Variants in ANAPC10 observed in about 807,000 individuals in gnomAD.
ANAPC10 encodes anaphase-promoting complex subunit 10.
ANAPC10 carries 12 observed loss-of-function variants against 22.0 expected under a neutral mutation model. The ratio of observed to expected loss-of-function variants is 0.55; its 90% CI spans 0.35 to 0.88. The LOEUF (loss-of-function observed/expected upper bound fraction) is 0.88, where lower values mean the gene tolerates loss of function less well. Ranked by LOEUF, ANAPC10 falls within the 40% of genes least tolerant of loss-of-function variation. The probability of loss-of-function intolerance (pLI) is 0.01; values close to 1 mark genes in which losing one functional copy is unlikely to be tolerated. For synonymous variants in ANAPC10, 65 were observed against 69.5 expected, an observed-to-expected ratio of 0.94 and a Z score of 0.32; for missense variants, 188 against 220.9, an observed-to-expected ratio of 0.85 and a Z score of 0.94.
chr4:145,047,363 G>A (rs914145789), intron 4 of ANAPC10, among the ~76,000 whole-genome samples: 7 of 152,124 alleles, frequency 4.6e-5, no homozygotes, highest in Non-Finnish European at 2.9e-5. Flanking sequence ...GTAAGCCAAG[G>A]TTAGAGAACT....
chr4:145,065,383 T>C (rs983189823), intron 3 of ANAPC10, among the ~76,000 whole-genome samples: 17 of 152,094 alleles, frequency 1.1e-4, no homozygotes, highest in African/African-American at 4.1e-4. Flanking sequence ...GAGATATTAG[T>C]TTTATCATCA....
rs1731441693 is a variant in ANAPC10, at chr4:144,995,237, A to G, written c.*136T>C. 3 of 501,106 alleles carry G rather than the reference A, an allele frequency of 6.0e-6. No homozygotes were observed. Among genetic ancestry groups the G allele is most frequent in the Admixed American group, 3.8e-5 (1 of 26,086 alleles). 31.0% of individuals were successfully genotyped at this position (501,106 alleles called of 1,614,324 possible). On this transcript the variant is annotated 3_prime_UTR_variant, in exon 5 of 5. Coordinates refer to ENST00000507656, the MANE Select transcript of ANAPC10 (RefSeq NM_001256706.2). Reference sequence around the variant, plus strand: ...AATATGACCCCAAATTTATTTGTCAAAGTTACAATAAAATATTTTTAAACA... The same window carrying G: ...AATATGACCCCAAATTTATTTGTCAGAGTTACAATAAAATATTTTTAAACA...
At chr4:145,000,075 T>C (rs1014800092) in intron 4 of ANAPC10, among the ~76,000 whole-genome samples, 1 of 152,170 alleles carries the variant, frequency 6.6e-6, no homozygotes, top group Non-Finnish European at 1.5e-5. Flanking sequence ...AAGACTTAAA[T>C]GTTAGACCTA....
chr4:145,014,395 G>A (rs1339510721), intron 4 of ANAPC10, among the ~76,000 whole-genome samples: 1 of 151,864 alleles, frequency 6.6e-6, no homozygotes, highest in Admixed American at 6.6e-5. Context: ...CCATTGACCT[G>A]GGAACCTCAC....
intron 4 of ANAPC10, among the ~76,000 whole-genome samples, chr4:145,022,763 T>C (rs1388554976): frequency 2.1e-5 from 3 of 141,284 alleles, no homozygotes; most frequent in East Asian, 2.1e-4. Flanking sequence ...TGTTGGGTCA[T>C]AGGCAAGTTT....
intron 3 of ANAPC10, among the ~76,000 whole-genome samples, chr4:145,065,737 T>C (rs910114549): frequency 6.6e-6 from 1 of 151,908 alleles, no homozygotes; most frequent in African/African-American, 2.4e-5. Flanking sequence ...ATAGTTACAG[T>C]AGAAAAAAGA....
intron 4 of ANAPC10, among the ~76,000 whole-genome samples, chr4:145,034,116 G>GTACC (rs374803156): frequency 1.2e-4 from 19 of 152,076 alleles, no homozygotes; most frequent in African/African-American, 4.6e-4. Flanking sequence ...ATACATATAG[G>GTACC]TTCAAGTTGA....
At chr4:145,011,609 C>T (rs1157510844) in intron 4 of ANAPC10, among the ~76,000 whole-genome samples, 3 of 151,968 alleles carry the variant, frequency 2.0e-5, no homozygotes, top group Non-Finnish European at 4.4e-5. Flanking sequence ...TGGTAAAGGG[C>T]GAGAGGCTAA....
chr4:145,035,165 A>T (rs958794507), intron 4 of ANAPC10: 1 of 152,204 alleles, frequency 6.6e-6, no homozygotes, highest in Non-Finnish European at 1.5e-5. Flanking sequence ...GACATCTGTC[A>T]CCCCACTAAT....
chr4:145,079,638 C>G (rs1334796349), intron 3 of ANAPC10, among the ~76,000 whole-genome samples: 1 of 152,154 alleles, frequency 6.6e-6, no homozygotes, highest in Non-Finnish European at 1.5e-5. Context: ...AGATGCCCAT[C>G]AACAGTGGAC....
At chr4:145,091,992 G>C (rs1579176047) in intron 2 of ANAPC10, among the ~76,000 whole-genome samples, 1 of 152,100 alleles carries the variant, frequency 6.6e-6, no homozygotes, top group African/African-American at 2.4e-5. Flanking sequence ...TGCTGCACTA[G>C]GAAAACAGAG....
chr4:145,058,507 T>C (rs1224561218), intron 4 of ANAPC10, among the ~76,000 whole-genome samples: 2 of 152,144 alleles, frequency 1.3e-5, no homozygotes, highest in African/African-American at 2.4e-5. Flanking sequence ...GACTATGAAG[T>C]GCTCAAAGGC....
intron 4 of ANAPC10, among the ~76,000 whole-genome samples, chr4:144,997,842 C>T (rs539580190): frequency 2.0e-5 from 3 of 152,174 alleles, no homozygotes; most frequent in Middle Eastern, 3.4e-3. Flanking sequence ...ACCCATCTCA[C>T]GTGCAGAGAC....
chr4:145,090,647 A>G (rs1291747260), intron 2 of ANAPC10, among the ~76,000 whole-genome samples: 2 of 152,186 alleles, frequency 1.3e-5, no homozygotes, highest in Non-Finnish European at 2.9e-5. Flanking sequence ...TTTCTGTACT[A>G]GTTTCCTCAT....
intron 4 of ANAPC10, among the ~76,000 whole-genome samples, chr4:145,000,526 A>G (rs1289331200): frequency 6.6e-6 from 1 of 152,238 alleles, no homozygotes; most frequent in African/African-American, 2.4e-5. Context: ...TAGAATGGCA[A>G]TCATTAAAAA....
intron 4 of ANAPC10, among the ~76,000 whole-genome samples, chr4:145,001,281 A>G (rs922295405): frequency 1.3e-5 from 2 of 151,860 alleles, no homozygotes; most frequent in African/African-American, 4.8e-5. Flanking sequence ...AGAAGAAAAG[A>G]AAAGAAAAGA....
chr4:145,020,919 C>G (rs1269184985), intron 4 of ANAPC10, among the ~76,000 whole-genome samples: 4 of 151,436 alleles, frequency 2.6e-5, no homozygotes, highest in Non-Finnish European at 5.9e-5. Context: ...ACAAGGAAAA[C>G]TACAAAACAC....
intron 4 of ANAPC10, among the ~76,000 whole-genome samples, chr4:145,005,823 A>G (rs1416623675): frequency 6.6e-6 from 1 of 150,726 alleles, no homozygotes; most frequent in Admixed American, 6.6e-5. Flanking sequence ...GTCTAAGGAC[A>G]TGGTTTGTAT....
intron 3 of ANAPC10, among the ~76,000 whole-genome samples, chr4:145,070,673 A>T (rs1744361937): frequency 6.6e-6 from 1 of 152,250 alleles, no homozygotes; most frequent in African/African-American, 2.4e-5. Context: ...GAAATCAGGT[A>T]CTTGAACAGA....
Sources: gnomAD v4.1 joint callset for allele counts (sites outside exome capture counted in the v4.1 genomes callset) on GRCh38, gnomAD v4.1.1 for gene constraint, MANE v1.5 for transcripts, NCBI Gene and HGNC (gene_info 2026-07-23, HGNC 2026-07-21) for gene names.